COL18A1: variants seen among roughly 807,000 people sequenced by gnomAD.
COL18A1 encodes collagen type XVIII alpha 1 chain, also known as collagen alpha-1(XVIII) chain.
Under a neutral mutation model 168.0 loss-of-function variants are expected in COL18A1, and 133 were observed. The observed-to-expected ratio is 0.79, with a 90% CI of 0.69 to 0.91. COL18A1 has a LOEUF of 0.91. COL18A1 is among the 40% of genes least tolerant of loss of function. The probability of loss-of-function intolerance (pLI) is 0.00; values close to 1 mark genes in which losing one functional copy is unlikely to be tolerated. For synonymous variants in COL18A1, 949 were observed against 809.0 expected, an observed-to-expected ratio of 1.17 and a Z score of -2.94; for missense variants, 2,126 against 1,925.4, an observed-to-expected ratio of 1.10 and a Z score of -1.95.
At chr21:45,507,258 G>T (rs1326394332) in intron 37 of COL18A1, 1 of 486,514 alleles carries the variant, frequency 2.1e-6, no homozygotes, top group Non-Finnish European at 3.7e-6. Context: ...GTGCTGGGCA[G>T]GGAGGGCAAC....
At chr21:45,456,577 C>A in intron 2 of COL18A1, 1 of 1,544,178 alleles carries the variant, frequency 6.5e-7, no homozygotes, top group Non-Finnish European at 8.7e-7. Flanking sequence ...ACCTGGGCAT[C>A]TCACGCTTCT....
At chr21:45,430,690 C>T (rs1168648807) in intron 2 of COL18A1, among the ~76,000 whole-genome samples, 2 of 152,166 alleles carry the variant, frequency 1.3e-5, no homozygotes, top group African/African-American at 4.8e-5. Flanking sequence ...CGTGGCTGGT[C>T]TGGGAGAACT....
intron 32 of COL18A1, among the ~76,000 whole-genome samples, chr21:45,501,587 C>T (rs996013060): frequency 3.9e-5 from 6 of 152,164 alleles, no homozygotes; most frequent in South Asian, 2.1e-4. Context: ...AGGGCATCCT[C>T]AGCCCTCACA....
In COL18A1 at chr21:45,497,648, C is replaced by T. The variant is rs758245238; in HGVS notation, c.2670C>T (p.Pro890=). The stretch of plus-strand genomic sequence containing the variant: ...AGGGCGCCAAAGGAGAAGTGGGCCC[C>T]CCCGGACCACCAGGTGAGCAACTCT... ...GPKGAKGEVG[P]PGPPGQFPFD... Residue 890 remains proline, a synonymous_variant, in exon 32 of 42, where the codon CCC becomes CCT. Transcript: ENST00000651438. The T allele has an allele frequency of 5.1e-6, 8 of 1,567,754 alleles. No individual in the cohort carries two copies. The highest frequency in any genetic ancestry group is 1.9e-5 in the Admixed American group (1 of 53,438).
chr21:45,487,836 C>T (rs1412016781), intron 17 of COL18A1, among the ~76,000 whole-genome samples: 1 of 152,196 alleles, frequency 6.6e-6, no homozygotes, highest in Non-Finnish European at 1.5e-5. Flanking sequence ...TTTGTGGCCC[C>T]AATTTTTGGT....
Position 45,471,017 on chromosome 21 carries a change from G to T in COL18A1, c.651+2231G>T, listed in dbSNP as rs1456780487. On this transcript the variant is annotated intron_variant, in intron 3 of 41. Transcript: ENST00000651438. The surrounding 1 kb of genome is among the most constrained non-coding windows in gnomAD (Gnocchi z 4.4). ...TCGTGCTGCTGGGCCTGGGTGGCGT[G>T]CTACGGGCTTGTGCTGCTGGGTGTG... 7.2e-6 allele frequency among the ~76,000 whole-genome samples: 1 copy of T among 138,880 alleles called. No homozygotes were observed. The allele number at this position is 138,880 out of a possible 152,430, so 91.1% of individuals were successfully genotyped here. A position where few individuals can be genotyped will look rare whatever the true frequency, so the allele number is the denominator to read the frequency against.
chr21:45,503,898 C>T (rs191339857), intron 32 of COL18A1, 113 bp from the exon 33 acceptor site: 38 of 1,078,526 alleles, frequency 3.5e-5, no homozygotes, highest in East Asian at 7.2e-5. Context: ...CGATCTCTAC[C>T]GCGAAATGGC....
intron 2 of COL18A1, among the ~76,000 whole-genome samples, chr21:45,419,140 C>T (rs780855330): frequency 1.9e-4 from 29 of 152,172 alleles, no homozygotes; most frequent in South Asian, 4.1e-4. Context: ...CCCTGACACA[C>T]GATGCCGTGT....
chr21:45,484,303 C>T (rs1456562791), intron 15 of COL18A1, among the ~76,000 whole-genome samples: 2 of 150,096 alleles, frequency 1.3e-5, no homozygotes, highest in East Asian at 4.0e-4. Context: ...TGTGCACACA[C>T]ACACCTCCAG....
At chr21:45,411,762 G>GGC (rs2033297711) in intron 2 of COL18A1, among the ~76,000 whole-genome samples, 1 of 137,642 alleles carries the variant, frequency 7.3e-6, no homozygotes, top group Admixed American at 7.2e-5. Flanking sequence ...CTGATGGCGG[G>GGC]GGGTGGGGGG....
At chr21:45,461,045 A>T (rs2035025655) in intron 2 of COL18A1, among the ~76,000 whole-genome samples, 1 of 152,214 alleles carries the variant, frequency 6.6e-6, no homozygotes, top group African/African-American at 2.4e-5. Flanking sequence ...CACTTCAACC[A>T]GTTACCGTTG....
intron 2 of COL18A1, chr21:45,456,551 C>T: frequency 1.3e-6 from 2 of 1,547,458 alleles, no homozygotes; most frequent in African/African-American, 1.4e-5. Flanking sequence ...GCCACCCTCC[C>T]TGCCAGTCTG....
Position 45,466,763 on chromosome 21 carries a change from G to T in COL18A1, c.107-1479G>T, listed in dbSNP as rs545971346. Among the ~76,000 whole-genome samples, 7 of 152,316 alleles carry T rather than the reference G, an allele frequency of 4.6e-5. No homozygotes were observed. The East Asian group carries it at 1.4e-3, about 29-fold the overall frequency. On this transcript the variant is annotated intron_variant, in intron 2 of 41. Transcript: ENST00000651438. ...GTGCTGGTACCCTCCAGCCCAGGAAGGTGGCAGCTGCCGCATCTTGCTTTC... is the reference window on the plus strand; with the variant it reads ...GTGCTGGTACCCTCCAGCCCAGGAATGTGGCAGCTGCCGCATCTTGCTTTC...
chr21:45,494,979 G>A, intron 28 of COL18A1, 64 bp downstream of exon 28: 1 of 1,408,874 alleles, frequency 7.1e-7, no homozygotes. Flanking sequence ...AGCAGCCCAG[G>A]CCCACGGGGG....
At chr21:45,441,184 C>T (rs1307700177) in intron 2 of COL18A1, among the ~76,000 whole-genome samples, 2 of 152,206 alleles carry the variant, frequency 1.3e-5, no homozygotes, top group Non-Finnish European at 2.9e-5. Flanking sequence ...AGGTTCTGGA[C>T]ACCACAGCTC....
intron 39 of COL18A1, among the ~76,000 whole-genome samples, 192 bp downstream of exon 39, chr21:45,509,793 T>C (rs1319093533): frequency 1.3e-5 from 2 of 152,034 alleles, no homozygotes; most frequent in Admixed American, 6.5e-5. Flanking sequence ...GCAGTGGTCA[T>C]GAAAGTCCAG....
chr21:45,454,271 C>T (rs901317171), intron 2 of COL18A1, among the ~76,000 whole-genome samples: 17 of 152,148 alleles, frequency 1.1e-4, no homozygotes, highest in African/African-American at 3.9e-4. Context: ...AGCAATCGAC[C>T]GATGGCTACA....
At chr21:45,483,368 C>G (rs1031135334) in intron 15 of COL18A1, among the ~76,000 whole-genome samples, 7 of 152,222 alleles carry the variant, frequency 4.6e-5, no homozygotes, top group Admixed American at 4.6e-4. Context: ...CTCAGACCCT[C>G]TGGACTCGGG....
chr21:45,507,995 AGGTGGATGGATGGATG>A lies in COL18A1; in HGVS notation c.3249+413_3249+428del, dbSNP rs368126072. Among the ~76,000 whole-genome samples, 562 of 152,134 alleles carry A rather than the reference AGGTGGATGGATGGATG, an allele frequency of 3.7e-3. 2 individuals are homozygous for A. Among genetic ancestry groups the A allele is most frequent in the African/African-American group, 0.013 (519 of 41,512 alleles). On this transcript the variant is annotated intron_variant, in intron 38 of 41. Coordinates refer to ENST00000651438, the MANE Select transcript of COL18A1 (RefSeq NM_001379500.1). ...TGACTGGGTGGGTGAATCAATGGGG[AGGTGGATGGATGGATG>A]GGTGGATGGAGAGGTGGGTGAGTGG...
Sources: allele counts gnomAD v4.1 joint callset (sites outside exome capture counted in the v4.1 genomes callset), GRCh38; gene constraint gnomAD v4.1.1; non-coding constraint Gnocchi (gnomAD v3.1); transcripts MANE v1.5; gene names NCBI Gene and HGNC (gene_info 2026-07-23, HGNC 2026-07-21).